PPL: variants seen among roughly 807,000 people sequenced by gnomAD.
The protein encoded by PPL is 190 kDa paraneoplastic pemphigus antigen.
Under a neutral mutation model 194.4 loss-of-function variants are expected in PPL, and 198 were observed. The observed-to-expected ratio is 1.02, with a 90% CI of 0.91 to 1.15. PPL has a LOEUF of 1.15. PPL is among the 50% of genes most tolerant of loss of function. The probability of loss-of-function intolerance (pLI) is 0.00; values close to 1 mark genes in which losing one functional copy is unlikely to be tolerated. For synonymous variants in PPL, 1,220 were observed against 972.4 expected, an observed-to-expected ratio of 1.25 and a Z score of -4.74; for missense variants, 2,885 against 2,294.8, an observed-to-expected ratio of 1.26 and a Z score of -5.25.
chr16:4,918,270 G>A (rs1218475842), intron 1 of PPL, among the ~76,000 whole-genome samples: 3 of 148,766 alleles, frequency 2.0e-5, no homozygotes, highest in Admixed American at 1.4e-4. Flanking sequence ...TCCAGCCTGG[G>A]CGACAGAGCA....
In PPL at chr16:4,902,256, T is replaced by C. The variant is rs1460539976; in HGVS notation, c.438+150A>G. 7 of 1,283,890 alleles carry C rather than the reference T, an allele frequency of 5.5e-6. No individual in the cohort carries two copies. The highest frequency in any genetic ancestry group is 1.5e-5 in the African/African-American group (1 of 66,798). The allele number at this position is 1,283,890 out of a possible 1,614,324, so 79.5% of individuals were successfully genotyped here. On this transcript the variant is annotated intron_variant, in intron 4 of 21. Transcript: ENST00000345988. The surrounding 1 kb of genome is among the most constrained non-coding windows in gnomAD (Gnocchi z 4.0). ...TGCTGCACTTCTCTGAGCCTCACTC[T>C]TCTCATGGGCACACTGGAAAACCAT... is the stretch of plus-strand genomic sequence containing the variant.
intron 1 of PPL, among the ~76,000 whole-genome samples, chr16:4,917,329 G>C (rs1325832719): frequency 6.6e-6 from 1 of 152,156 alleles, no homozygotes; most frequent in African/African-American, 2.4e-5. Flanking sequence ...TTCGGCCAAA[G>C]AATGAAGGCA....
In PPL at chr16:4,883,876, T is replaced by G. The variant is rs749487153; in HGVS notation, c.4779A>C (p.Thr1593=). 3 of 1,614,012 alleles carry G rather than the reference T, an allele frequency of 1.9e-6. No homozygotes were observed. Among genetic ancestry groups the G allele is most frequent in the Non-Finnish European group, 2.5e-6 (3 of 1,180,036 alleles). ...QSEINMAATE[T]RDLRNMTVAD... The stretch of plus-strand genomic sequence containing the variant: ...CCACGGTCATGTTCCGCAGGTCTCG[T>G]GTTTCCGTCGCTGCCATGTTGATTT... The change falls in exon 22 of 22, where the codon ACA becomes ACC. Residue 1593 remains threonine, a synonymous_variant. Transcript: ENST00000345988. The surrounding 1 kb of genome is among the most constrained non-coding windows in gnomAD (Gnocchi z 4.8).
At chr16:4,910,327 C>G (rs546426851) in intron 2 of PPL, among the ~76,000 whole-genome samples, 61 of 152,280 alleles carry the variant, frequency 4.0e-4, no homozygotes, top group African/African-American at 1.4e-3. Context: ...TGTCCTATAC[C>G]TGCATAATCT....
rs529195493 is a variant in PPL, at chr16:4,888,917, C to T, written c.2397+61G>A. The T allele has an allele frequency of 5.0e-5, 77 of 1,529,234 alleles. No individual in the cohort carries two copies. The African/African-American group carries it at 9.6e-4, about 19-fold the overall frequency. 94.7% of individuals were successfully genotyped at this position (1,529,234 alleles called of 1,614,324 possible). On this transcript the variant is annotated intron_variant, in intron 19 of 21. Coordinates refer to ENST00000345988, the MANE Select transcript of PPL (RefSeq NM_002705.5). ...GGCCGGTGCTTGCTGCTTCTCTGAC[C>T]AGGGCACGGTGGAATAAGACCCCTG...
Position 4,893,218 on chromosome 16 carries a change from G to A in PPL, c.1645C>T (p.Leu549Phe), listed in dbSNP as rs749784096. 2 of 1,563,622 alleles carry A rather than the reference G, an allele frequency of 1.3e-6. No homozygotes were observed. Among genetic ancestry groups the A allele is most frequent in the East Asian group, 2.3e-5 (1 of 43,050 alleles). The change falls in exon 14 of 22, where the codon CTC (leucine) becomes TTC (phenylalanine). Residue 549 changes from leucine (L) to phenylalanine (F), a missense_variant. Leu to Phe is a conservative substitution (Grantham distance 22). Coordinates refer to ENST00000345988, the MANE Select transcript of PPL (RefSeq NM_002705.5). ...TGCTCCTGACCCGCAGGTACCTTGA[G>A]GTCCTTGGCCCGCTCGGCACTGTCC... is the stretch of plus-strand genomic sequence containing the variant. ...VQDSAERAKD[L>F]KNITNELLRI...
chr16:4,895,825 C>T (rs916584558), intron 9 of PPL, 109 bp from the exon 10 acceptor site: 6 of 1,480,300 alleles, frequency 4.1e-6, no homozygotes, highest in Admixed American at 3.5e-5. Context: ...TCCGGTTCAC[C>T]TGGAGTCCAG....
intron 9 of PPL, among the ~76,000 whole-genome samples, chr16:4,896,112 T>G (rs113328396): frequency 1.3e-5 from 2 of 152,286 alleles, no homozygotes; most frequent in Non-Finnish European, 2.9e-5. Flanking sequence ...AAAATTCTCT[T>G]GCCCATTCTT....
intron 18 of PPL, among the ~76,000 whole-genome samples, chr16:4,889,524 C>A (rs186003592): frequency 6.6e-6 from 1 of 151,602 alleles, no homozygotes; most frequent in Non-Finnish European, 1.5e-5. Context: ...CCCAAAATGC[C>A]GGGATTACAG....
chr16:4,934,509 G>A (rs992500346), intron 1 of PPL, among the ~76,000 whole-genome samples: 1 of 152,126 alleles, frequency 6.6e-6, no homozygotes, highest in Non-Finnish European at 1.5e-5. Flanking sequence ...GTGCTGTGCA[G>A]AAAGGGAAAA....
chr16:4,890,470 G>A, intron 17 of PPL, 136 bp from the exon 18 acceptor site: 2 of 1,200,060 alleles, frequency 1.7e-6, no homozygotes. Context: ...CAGGGTGGGT[G>A]GTCATTAGGG....
chr16:4,922,087 G>C (rs942795947), intron 1 of PPL, among the ~76,000 whole-genome samples: 4 of 152,204 alleles, frequency 2.6e-5, no homozygotes, highest in African/African-American at 9.6e-5. Flanking sequence ...CTTTCTTTCA[G>C]CTGGAAGGGC....
At chr16:4,894,770 G>A in intron 11 of PPL, 152 bp from the exon 12 acceptor site, 1 of 892,600 alleles carries the variant, frequency 1.1e-6, no homozygotes, top group Non-Finnish European at 1.7e-6. Context: ...TGCAGGAGAA[G>A]CACATGTGTT....
At position 4,893,207 on chromosome 16, in the gene PPL, A is replaced by C. The variant is rs752732874; in HGVS notation, c.1650+6T>G. ...GGCCCCACCTGTGCTCCTGACCCGC[A>C]GGTACCTTGAGGTCCTTGGCCCGCT... is the stretch of plus-strand genomic sequence containing the variant. On this transcript the variant is annotated splice_donor_region_variant and intron_variant, in intron 14 of 21. Transcript: ENST00000345988. The C allele has an allele frequency of 7.1e-6, 11 of 1,550,186 alleles. No individual in the cohort carries two copies. The highest frequency in any genetic ancestry group is 1.4e-5 in the African/African-American group (1 of 73,854).
intron 1 of PPL, among the ~76,000 whole-genome samples, chr16:4,927,037 C>A (rs527672586): frequency 6.6e-6 from 1 of 151,722 alleles, no homozygotes; most frequent in Non-Finnish European, 1.5e-5. Flanking sequence ...AAAATGGAAA[C>A]AAAGGGAAAG....
chr16:4,931,887 C>G (rs988051217), intron 1 of PPL, among the ~76,000 whole-genome samples: 2 of 152,214 alleles, frequency 1.3e-5, no homozygotes, highest in African/African-American at 4.8e-5. Flanking sequence ...CAGCTCTGTC[C>G]TGAATCGAAT....
At chr16:4,912,723 T>A (rs563030914) in intron 1 of PPL, among the ~76,000 whole-genome samples, 1 of 152,318 alleles carries the variant, frequency 6.6e-6, no homozygotes, top group South Asian at 2.1e-4. Flanking sequence ...GTGGTGACAC[T>A]GGGCTGCCCG....
chr16:4,883,174 C>G lies in PPL; in HGVS notation c.*210G>C, dbSNP rs1338931741. On this transcript the variant is annotated 3_prime_UTR_variant, in exon 22 of 22. Transcript: ENST00000345988. The surrounding 1 kb of genome is among the most constrained non-coding windows in gnomAD (Gnocchi z 4.8). ...AGTCATTGGAGGATGAAGTACGTCA[C>G]TCAGGGTGAATGATGGTTGGGACGA... is the stretch of plus-strand genomic sequence containing the variant. 3.3e-6 allele frequency: 2 copies of G among 614,840 alleles called. No individual in the cohort carries two copies. The highest frequency in any genetic ancestry group is 5.6e-6 in the Non-Finnish European group (2 of 356,468). 38.1% of individuals were successfully genotyped at this position (614,840 alleles called of 1,614,324 possible).
intron 1 of PPL, among the ~76,000 whole-genome samples, chr16:4,915,018 C>T (rs1048941716): frequency 2.0e-5 from 3 of 152,212 alleles, no homozygotes; most frequent in Non-Finnish European, 2.9e-5. Flanking sequence ...TGCAGTGCAT[C>T]GTTAGGGTCT....
Sources: allele counts gnomAD v4.1 joint callset (sites outside exome capture counted in the v4.1 genomes callset), GRCh38; gene constraint gnomAD v4.1.1; non-coding constraint Gnocchi (gnomAD v3.1); transcripts MANE v1.5; gene names NCBI Gene and HGNC (gene_info 2026-07-23, HGNC 2026-07-21).